The following UNC5C variants were observed in gnomAD, a reference collection of about 807,000 sequenced individuals.
The protein encoded by UNC5C is netrin receptor UNC5C.
Under a neutral mutation model 99.8 loss-of-function variants are expected in UNC5C, and 47 were observed. The ratio of observed to expected loss-of-function variants is 0.47; its 90% CI spans 0.37 to 0.60. UNC5C has a LOEUF of 0.60. UNC5C is among the 20% of genes least tolerant of loss of function. The pLI, the probability that UNC5C is intolerant of heterozygous loss-of-function variation, is 0.00. For synonymous variants in UNC5C, 487 were observed against 452.2 expected (o/e 1.08, Z -0.98); for missense variants, 1,062 against 1,165.9 (o/e 0.91, Z 1.30).
intron 12 of UNC5C, among the ~76,000 whole-genome samples, chr4:95,190,334 C>T (rs534034196): frequency 1.8e-3 from 154 of 83,658 alleles, no homozygotes; most frequent in Non-Finnish European, 2.7e-3. Context: ...ACACCGGGGA[C>T]TGTTGTGGGG....
At chr4:95,262,436 G>A (rs1217798019) in intron 4 of UNC5C, among the ~76,000 whole-genome samples, 1 of 152,146 alleles carries the variant, frequency 6.6e-6, no homozygotes, top group Non-Finnish European at 1.5e-5. Flanking sequence ...ATAAATGACA[G>A]ATAGAAATGT....
intron 3 of UNC5C, among the ~76,000 whole-genome samples, chr4:95,292,283 T>G (rs1307141206): frequency 6.8e-6 from 1 of 147,992 alleles, no homozygotes; most frequent in Non-Finnish European, 1.5e-5. Flanking sequence ...TTTTTGTTTT[T>G]TTTTGAGATG....
chr4:95,201,370 GTCA>G (rs1737648249), intron 12 of UNC5C, among the ~76,000 whole-genome samples: 2 of 152,034 alleles, frequency 1.3e-5, no homozygotes, highest in South Asian at 4.1e-4. Context: ...TCACTCCCCT[GTCA>G]TCATTCAGCT....
intron 1 of UNC5C, among the ~76,000 whole-genome samples, chr4:95,517,283 T>A (rs541186230): frequency 1.9e-4 from 29 of 152,256 alleles, no homozygotes; most frequent in African/African-American, 7.0e-4. Flanking sequence ...GAAATTTGCA[T>A]CTTCTTCATC....
chr4:95,243,301 T>A (rs1739391296), intron 6 of UNC5C, among the ~76,000 whole-genome samples: 1 of 152,306 alleles, frequency 6.6e-6, no homozygotes, highest in South Asian at 2.1e-4. Context: ...ACTGACTTAC[T>A]TTCTTCCTAA....
chr4:95,257,245 A>G (rs947069501), intron 4 of UNC5C, among the ~76,000 whole-genome samples: 2 of 152,132 alleles, frequency 1.3e-5, no homozygotes, highest in Admixed American at 1.3e-4. Context: ...TCTATAAGAA[A>G]CATGCAAAAA....
At chr4:95,448,104 G>C (rs1747159353) in intron 1 of UNC5C, among the ~76,000 whole-genome samples, 1 of 152,018 alleles carries the variant, frequency 6.6e-6, no homozygotes, top group Non-Finnish European at 1.5e-5. Flanking sequence ...GCTCCACTCT[G>C]ATAGTCTCAC....
intron 1 of UNC5C, among the ~76,000 whole-genome samples, chr4:95,417,915 C>T (rs1230880475): frequency 1.3e-5 from 2 of 152,038 alleles, no homozygotes; most frequent in African/African-American, 4.8e-5. Flanking sequence ...GCTTCCTTTC[C>T]TGCACCTTTA....
intron 12 of UNC5C, among the ~76,000 whole-genome samples, chr4:95,192,090 T>TTCCTCCCCTGCTCACTTCCTCCCC (rs1737138690): frequency 8.8e-6 from 1 of 113,684 alleles, no homozygotes; most frequent in South Asian, 3.5e-4. Flanking sequence ...TTTGCTCACC[T>TTCCTCCCCTGCTCACTTCCTCCCC]TCCTCCCCTG....
intron 4 of UNC5C, among the ~76,000 whole-genome samples, chr4:95,262,252 G>T (rs995601238): frequency 1.3e-5 from 2 of 152,142 alleles, no homozygotes; most frequent in Admixed American, 6.5e-5. Flanking sequence ...AACTGAAGGA[G>T]GGCCTAATAT....
At position 95,475,699 on chromosome 4, in the gene UNC5C, T is replaced by C. The variant is rs1748124373; in HGVS notation, c.124+73035A>G. ...AGGGTTTTAAAAATAAGTTCTCCCA[T>C]ACTAAAACAAACAGCTACCCACCTG... On this transcript the variant is annotated intron_variant, in intron 1 of 15. Transcript: ENST00000453304. Among the ~76,000 whole-genome samples, 4 of 152,102 alleles carry C rather than the reference T, an allele frequency of 2.6e-5. No individual in the cohort carries two copies. In the South Asian group the frequency reaches 8.3e-4, roughly 32 times the overall value.
chr4:95,201,776 T>C (rs1220518469), intron 12 of UNC5C, among the ~76,000 whole-genome samples: 2 of 152,112 alleles, frequency 1.3e-5, no homozygotes, highest in Admixed American at 6.5e-5. Context: ...GCTAATTTTT[T>C]TGTATTTTTA....
At chr4:95,242,320 A>C in intron 7 of UNC5C, 109 bp downstream of exon 7, 1 of 1,443,786 alleles carries the variant, frequency 6.9e-7, no homozygotes, top group Non-Finnish European at 9.3e-7. Context: ...ATGTTATTGC[A>C]TTTTATTGTT....
chr4:95,531,596 T>G (rs1035459645), intron 1 of UNC5C, among the ~76,000 whole-genome samples: 3 of 152,244 alleles, frequency 2.0e-5, no homozygotes, highest in Non-Finnish European at 4.4e-5. Flanking sequence ...CACTGTACTA[T>G]TTCCTTGTCA....
At chr4:95,329,561 C>A (rs1030994538) in intron 2 of UNC5C, among the ~76,000 whole-genome samples, 1 of 152,164 alleles carries the variant, frequency 6.6e-6, no homozygotes, top group South Asian at 2.1e-4. Flanking sequence ...ATGTTTGGAT[C>A]CTGATGACAT....
intron 1 of UNC5C, among the ~76,000 whole-genome samples, chr4:95,477,651 C>A (rs368460623): frequency 8.6e-5 from 13 of 152,004 alleles, no homozygotes; most frequent in South Asian, 4.1e-4. Context: ...AAAAGGGTTG[C>A]CTAGTAGACA....
chr4:95,379,367 C>G (rs570198302), intron 1 of UNC5C, among the ~76,000 whole-genome samples: 1 of 152,310 alleles, frequency 6.6e-6, no homozygotes, highest in African/African-American at 2.4e-5. Context: ...TATCATGTAG[C>G]AAGCACTCTA....
At chr4:95,288,060 C>G (rs1741299705) in intron 3 of UNC5C, among the ~76,000 whole-genome samples, 1 of 70,390 alleles carries the variant, frequency 1.4e-5, no homozygotes, top group Non-Finnish European at 2.8e-5. Context: ...CCTCACTTTA[C>G]AGATTATTTA....
rs1402332081 is a variant in UNC5C at position 95,202,716 on chromosome 4, G to C, written c.2136+15C>G. 2.7e-5 allele frequency: 43 copies of C among 1,612,034 alleles called. No homozygotes were observed. The highest frequency in any genetic ancestry group is 3.6e-5 in the Non-Finnish European group (43 of 1,178,720). On this transcript the variant is annotated intron_variant, in intron 12 of 15. Transcript: ENST00000453304. ...GGTGGAGGTGAAGAGGGCAGGCTAG[G>C]TGGGAGGCACTTACCTTCAGGGCAT... is the stretch of plus-strand genomic sequence containing the variant.
Sources: gnomAD v4.1 joint callset for allele counts (sites outside exome capture counted in the v4.1 genomes callset) on GRCh38, gnomAD v4.1.1 for gene constraint, MANE v1.5 for transcripts, NCBI Gene and HGNC (gene_info 2026-07-23, HGNC 2026-07-21) for gene names.